The following ZDHHC3 variants were observed in gnomAD, a reference collection of about 807,000 sequenced individuals.
The protein encoded by ZDHHC3 is zDHHC palmitoyltransferase 3.
Under a neutral mutation model 30.6 loss-of-function variants are expected in ZDHHC3, and 9 were observed. The ratio of observed to expected loss-of-function variants is 0.29; its 90% CI spans 0.18 to 0.51. The LOEUF is 0.51. Ranked by LOEUF, ZDHHC3 falls within the 20% of genes least tolerant of loss-of-function variation. The pLI, the probability that ZDHHC3 is intolerant of heterozygous loss-of-function variation, is 0.97. For synonymous variants in ZDHHC3, 136 were observed against 140.2 expected (o/e 0.97, Z 0.21); for missense variants, 246 against 384.2 (o/e 0.64, Z 3.01).
rs1288587596 is a variant in ZDHHC3 at position 44,916,921 on chromosome 3, A to C, written c.*9768T>G. The C allele has an allele frequency of 6.6e-6, 1 of 152,168 alleles. No homozygotes were observed. The highest frequency in any genetic ancestry group is 1.5e-5 in the Non-Finnish European group (1 of 68,032). The allele number at this position is 152,168 out of a possible 1,614,324, so 9.4% of individuals were successfully genotyped here. On this transcript the variant is annotated 3_prime_UTR_variant, in exon 7 of 7. Transcript: ENST00000424952. The stretch of plus-strand genomic sequence containing the variant: ...GCCATCACCCATCTTTTCAGAGACA[A>C]GATGGGCACCAATTTGGGAGAACTG...
chr3:44,926,719 C>T lies in ZDHHC3; in HGVS notation c.870G>A (p.Gly290=), dbSNP rs1701023608. ...WASPFATPDQ[G]KADPYQYVV ...CCACATACTGGTACGGGTCTGCCTT[C>T]CCTTGGTCTGGCGTGGCAAAGGGGC... Residue 290 remains glycine, a synonymous_variant, in exon 7 of 7, where the codon GGG becomes GGA. Coordinates refer to ENST00000424952, the MANE Select transcript of ZDHHC3 (RefSeq NM_001135179.2). The T allele has an allele frequency of 8.1e-6, 13 of 1,612,484 alleles. No homozygotes were observed. The highest frequency in any genetic ancestry group is 1.1e-5 in the Non-Finnish European group (13 of 1,179,544).
chr3:44,952,141 C>CA (rs1185199833), intron 2 of ZDHHC3, among the ~76,000 whole-genome samples: 3 of 152,192 alleles, frequency 2.0e-5, no homozygotes, highest in Non-Finnish European at 1.5e-5. Flanking sequence ...GCTTTCTCCC[C>CA]AAACTGTTCC....
intron 2 of ZDHHC3, among the ~76,000 whole-genome samples, chr3:44,945,903 T>A (rs1367803086): frequency 6.6e-6 from 1 of 152,194 alleles, no homozygotes; most frequent in South Asian, 2.1e-4. Flanking sequence ...TTGTTCCTGA[T>A]TACTTTGTAT....
chr3:44,954,687 T>G (rs1451515500), intron 2 of ZDHHC3, among the ~76,000 whole-genome samples: 1 of 152,186 alleles, frequency 6.6e-6, no homozygotes, highest in Admixed American at 6.5e-5. Context: ...ATACTGATCA[T>G]AAGGGTTTAT....
At chr3:44,932,868 T>G (rs768837697) in intron 5 of ZDHHC3, 27 of 1,604,352 alleles carry the variant, frequency 1.7e-5, no homozygotes, top group Non-Finnish European at 2.3e-5. Flanking sequence ...CTGGGCACGC[T>G]CAGTCCAGAG....
Position 44,922,336 on chromosome 3 carries a change from C to G in ZDHHC3, c.*4353G>C. ...CATCTGGAGGTCCCTTGGTTCTACT[C>G]TTTTCTCTTTCCCTTCCGGGCTGCT... On this transcript the variant is annotated 3_prime_UTR_variant, in exon 7 of 7. Transcript: ENST00000424952. 1 of 985,404 alleles carries G rather than the reference C, an allele frequency of 1.0e-6. No homozygotes were observed. The highest frequency in any genetic ancestry group is 1.2e-6 in the Non-Finnish European group (1 of 829,922). The allele number at this position is 985,404 out of a possible 1,614,324, so 61.0% of individuals were successfully genotyped here.
chr3:44,934,086 G>A, intron 3 of ZDHHC3, 102 bp from the exon 4 acceptor site: 1 of 1,121,474 alleles, frequency 8.9e-7, no homozygotes, highest in South Asian at 1.3e-5. Context: ...CCTCTGAAAT[G>A]GCTTCCTTGG....
In ZDHHC3 at chr3:44,918,829, C is replaced by T; in HGVS notation, c.*7860G>A. ...TGTCGGCTGCAACTCAGCCACCAGGCCACAGAAAGGGTGTTGGGGTGGGGA... is the reference window on the plus strand; with the variant it reads ...TGTCGGCTGCAACTCAGCCACCAGGTCACAGAAAGGGTGTTGGGGTGGGGA... On this transcript the variant is annotated 3_prime_UTR_variant, in exon 7 of 7. Coordinates refer to ENST00000424952, the MANE Select transcript of ZDHHC3 (RefSeq NM_001135179.2). The T allele has an allele frequency of 3.0e-6, 3 of 987,620 alleles. No homozygotes were observed. Among genetic ancestry groups the T allele is most frequent in the Non-Finnish European group, 3.6e-6 (3 of 831,470 alleles). The allele number at this position is 987,620 out of a possible 1,614,324, so 61.2% of individuals were successfully genotyped here.
intron 5 of ZDHHC3, among the ~76,000 whole-genome samples, chr3:44,929,881 A>G (rs1466831905): frequency 1.3e-5 from 2 of 152,206 alleles, no homozygotes; most frequent in African/African-American, 4.8e-5. Context: ...GCATTCCTGT[A>G]TGACGTGCTG....
At chr3:44,955,904 C>T (rs1575902207) in intron 2 of ZDHHC3, among the ~76,000 whole-genome samples, 1 of 152,346 alleles carries the variant, frequency 6.6e-6, no homozygotes, top group East Asian at 1.9e-4. Context: ...CTCTCAGTTG[C>T]TTCCCTTACT....
chr3:44,959,343 G>T lies in ZDHHC3; in HGVS notation c.94C>A (p.Pro32Thr). 1.2e-6 allele frequency: 2 copies of T among 1,614,216 alleles called. No individual in the cohort carries two copies. The highest frequency in any genetic ancestry group is 1.7e-6 in the Non-Finnish European group (2 of 1,180,042). Reference sequence around the variant, plus strand: ...CGGATAAACCACATGGTTCCCACAGGACCAGGGTAGGGGGGTGGGACACAC... The same window carrying T: ...CGGATAAACCACATGGTTCCCACAGTACCAGGGTAGGGGGGTGGGACACAC... ...EKCVPPPYPG[P>T]VGTMWFIRDG... The change falls in exon 2 of 7, where the codon CCT (proline) becomes ACT (threonine). Residue 32 changes from proline (P) to threonine (T), a missense_variant. By Grantham distance (38) the Pro-to-Thr change is conservative. Coordinates refer to ENST00000424952, the MANE Select transcript of ZDHHC3 (RefSeq NM_001135179.2). This position sits in a 1 kb window ranked among gnomAD's most constrained non-coding sequence, Gnocchi z 4.3.
At chr3:44,971,212 C>A (rs1705374812) in intron 1 of ZDHHC3, among the ~76,000 whole-genome samples, 1 of 152,236 alleles carries the variant, frequency 6.6e-6, no homozygotes, top group South Asian at 2.1e-4. Flanking sequence ...GGCATTGCAT[C>A]TCCACTGACC....
chr3:44,923,036 G>A lies in ZDHHC3; in HGVS notation c.*3653C>T. ...AGCCCATCCCAGCCCACCCGGAGAG[G>A]AGTTTCTGTGTAATGCCAACCTCAC... On this transcript the variant is annotated 3_prime_UTR_variant, in exon 7 of 7. Transcript: ENST00000424952. 6.1e-6 allele frequency: 6 copies of A among 984,916 alleles called. No homozygotes were observed. Among genetic ancestry groups the A allele is most frequent in the Non-Finnish European group, 7.2e-6 (6 of 829,876 alleles). The allele number at this position is 984,916 out of a possible 1,614,324, so 61.0% of individuals were successfully genotyped here. A position where few individuals can be genotyped will look rare whatever the true frequency, so the allele number is the denominator to read the frequency against.
intron 2 of ZDHHC3, among the ~76,000 whole-genome samples, chr3:44,947,163 G>A (rs1160781352): frequency 6.6e-6 from 1 of 152,174 alleles, no homozygotes; most frequent in African/African-American, 2.4e-5. Context: ...GCCCCAGTAG[G>A]GTTTCCATTT....
Position 44,926,338 on chromosome 3 carries a change from G to A in ZDHHC3, c.*351C>T, listed in dbSNP as rs1244957509. The A allele has an allele frequency of 7.0e-6, 7 of 1,006,228 alleles. No homozygotes were observed. In the South Asian group the frequency reaches 1.4e-4, roughly 20 times the overall value. 62.3% of individuals were successfully genotyped at this position (1,006,228 alleles called of 1,614,324 possible). A position where few individuals can be genotyped will look rare whatever the true frequency, so the allele number is the denominator to read the frequency against. On this transcript the variant is annotated 3_prime_UTR_variant, in exon 7 of 7. Transcript: ENST00000424952. ...CAGGTGTCCAGACTATTCCATCCAC[G>A]CACAGCGTCATGTCTCACTCAGTTA...
chr3:44,934,368 T>G (rs1285515942), intron 3 of ZDHHC3, among the ~76,000 whole-genome samples: 1 of 151,872 alleles, frequency 6.6e-6, no homozygotes, highest in Non-Finnish European at 1.5e-5. Context: ...GGAGAATGGC[T>G]GCTACCTATT....
At chr3:44,926,908 G>A (rs940378791) in intron 6 of ZDHHC3, 61 bp from the exon 7 acceptor site, 2 of 1,518,490 alleles carry the variant, frequency 1.3e-6, no homozygotes, top group Admixed American at 2.2e-5. Flanking sequence ...TTCTGGGGAG[G>A]GATGTCCGCA....
In ZDHHC3 at chr3:44,922,188, C is replaced by G. The variant is rs978820721; in HGVS notation, c.*4501G>C. On this transcript the variant is annotated 3_prime_UTR_variant, in exon 7 of 7. Coordinates refer to ENST00000424952, the MANE Select transcript of ZDHHC3 (RefSeq NM_001135179.2). ...AAGCCAGATACATATTTAAAGAATA[C>G]AAGAAAAAGCCACATGGGTGTTGAA... The G allele has an allele frequency of 1.0e-6, 1 of 985,292 alleles. No homozygotes were observed. Among genetic ancestry groups the G allele is most frequent in the African/African-American group, 1.7e-5 (1 of 57,226 alleles). 61.0% of individuals were successfully genotyped at this position (985,292 alleles called of 1,614,324 possible).
chr3:44,971,546 T>C (rs994139061), intron 1 of ZDHHC3, among the ~76,000 whole-genome samples: 23 of 152,234 alleles, frequency 1.5e-4, no homozygotes, highest in African/African-American at 5.5e-4. Context: ...AGGTCAACAC[T>C]GAGACATCAC....
Sources: gnomAD v4.1 joint callset for allele counts (sites outside exome capture counted in the v4.1 genomes callset) on GRCh38, gnomAD v4.1.1 for gene constraint, Gnocchi (gnomAD v3.1) non-coding constraint, MANE v1.5 for transcripts, NCBI Gene and HGNC (gene_info 2026-07-23, HGNC 2026-07-21) for gene names.